The following RAB27B variants were observed in gnomAD, a reference collection of about 807,000 sequenced individuals.
RAB27B encodes the protein RAB27B, member RAS oncogene family.
RAB27B carries 15 observed loss-of-function variants against 24.6 expected under a neutral mutation model. The ratio of observed to expected loss-of-function variants is 0.61; its 90% CI spans 0.41 to 0.94. The LOEUF (loss-of-function observed/expected upper bound fraction) is 0.94, where lower values mean the gene tolerates loss of function less well. Among genes scored for constraint, RAB27B ranks in the 40% least tolerant of loss-of-function variants. The probability of loss-of-function intolerance (pLI) is 0.00; values close to 1 mark genes in which losing one functional copy is unlikely to be tolerated. For synonymous variants in RAB27B, 105 were observed against 92.5 expected, an observed-to-expected ratio of 1.14 and a Z score of -0.78; for missense variants, 261 against 266.8, an observed-to-expected ratio of 0.98 and a Z score of 0.15.
At chr18:54,781,279 T>C (rs1420975600) in intron 2 of RAB27B, among the ~76,000 whole-genome samples, 1 of 152,024 alleles carries the variant, frequency 6.6e-6, no homozygotes, top group East Asian at 1.9e-4. Context: ...TCTGCTTGGG[T>C]TCTTAGTGTC....
intron 2 of RAB27B, among the ~76,000 whole-genome samples, chr18:54,761,748 C>G (rs1461390509): frequency 1.3e-5 from 2 of 152,166 alleles, no homozygotes; most frequent in Non-Finnish European, 2.9e-5. Flanking sequence ...AATAGAAGCA[C>G]TTGTGTGTTA....
chr18:54,783,612 T>A (rs1908987064), intron 2 of RAB27B, among the ~76,000 whole-genome samples: 1 of 152,034 alleles, frequency 6.6e-6, no homozygotes, highest in Admixed American at 6.6e-5. Context: ...AACTCTAGCT[T>A]AAGGTAAGCG....
intron 2 of RAB27B, among the ~76,000 whole-genome samples, chr18:54,737,121 GA>G (rs34896812): frequency 0.065 from 9,721 of 150,604 alleles, 397 homozygotes; most frequent in African/African-American, 0.093. Context: ...TCTCTCTGTG[GA>G]AAAAAAAACT....
intron 2 of RAB27B, among the ~76,000 whole-genome samples, chr18:54,778,068 AG>A: frequency 6.6e-6 from 1 of 152,226 alleles, no homozygotes; most frequent in Non-Finnish European, 1.5e-5. Flanking sequence ...ATGTATGTGT[AG>A]TTTTTCTTTC....
chr18:54,837,007 A>G (rs528660504), intron 1 of RAB27B, among the ~76,000 whole-genome samples: 32 of 131,498 alleles, frequency 2.4e-4, no homozygotes, highest in Middle Eastern at 4.3e-3. Flanking sequence ...TTTGCTTAAA[A>G]CATTCATTAA....
chr18:54,841,328 A>G (rs781518068), intron 1 of RAB27B, among the ~76,000 whole-genome samples: 2 of 152,216 alleles, frequency 1.3e-5, no homozygotes, highest in East Asian at 1.9e-4. Flanking sequence ...ATTATTCCCT[A>G]AACAATATAG....
At chr18:54,805,155 A>G (rs920961309) in intron 2 of RAB27B, among the ~76,000 whole-genome samples, 4 of 151,886 alleles carry the variant, frequency 2.6e-5, no homozygotes, top group Admixed American at 6.6e-5. Flanking sequence ...AAGCCTTTCC[A>G]GGGACATGAG....
chr18:54,746,577 G>A (rs148524706), intron 2 of RAB27B, among the ~76,000 whole-genome samples: 4,305 of 152,150 alleles, frequency 0.028, 76 homozygotes, highest in Middle Eastern at 0.092. Flanking sequence ...CACTCTTTTC[G>A]TCTTTGGAGG....
chr18:54,835,685 T>A, intron 1 of RAB27B, among the ~76,000 whole-genome samples: 1 of 152,030 alleles, frequency 6.6e-6, no homozygotes, highest in Non-Finnish European at 1.5e-5. Context: ...TCTTTAATCT[T>A]CAGTTGGAAG....
chr18:54,839,670 A>G (rs564808635), intron 1 of RAB27B, among the ~76,000 whole-genome samples: 1 of 152,350 alleles, frequency 6.6e-6, no homozygotes, highest in Non-Finnish European at 1.5e-5. Context: ...GCACCCCCAG[A>G]TGCTGAGAGT....
intron 2 of RAB27B, among the ~76,000 whole-genome samples, chr18:54,731,549 T>G (rs1331623164): frequency 6.6e-6 from 1 of 152,104 alleles, no homozygotes; most frequent in Non-Finnish European, 1.5e-5. Context: ...GAAGAAACCC[T>G]ATGTCTACTA....
intron 2 of RAB27B, among the ~76,000 whole-genome samples, chr18:54,761,659 A>C: frequency 6.6e-6 from 1 of 152,200 alleles, no homozygotes; most frequent in Non-Finnish European, 1.5e-5. Flanking sequence ...TCTTATTTCT[A>C]AAGTAGTGAA....
chr18:54,794,104 G>C (rs1310524753), intron 2 of RAB27B, among the ~76,000 whole-genome samples: 2 of 152,144 alleles, frequency 1.3e-5, no homozygotes, highest in African/African-American at 4.8e-5. Flanking sequence ...TGTGTAAGAA[G>C]TTTGACAAAA....
chr18:54,775,370 T>C (rs1400083288), intron 2 of RAB27B, among the ~76,000 whole-genome samples: 1 of 152,114 alleles, frequency 6.6e-6, no homozygotes, highest in East Asian at 1.9e-4. Flanking sequence ...GAAAACAGGG[T>C]AGATTTCTTG....
chr18:54,836,450 A>T (rs969293921), intron 1 of RAB27B, among the ~76,000 whole-genome samples: 1 of 151,898 alleles, frequency 6.6e-6, no homozygotes, highest in Non-Finnish European at 1.5e-5. Flanking sequence ...TAGTAAAACA[A>T]AGCCTTCAAG....
chr18:54,883,003 G>A (rs149458004), intron 3 of RAB27B, among the ~76,000 whole-genome samples: 1 of 152,110 alleles, frequency 6.6e-6, no homozygotes, highest in Non-Finnish European at 1.5e-5. Flanking sequence ...TAGAGTAGTG[G>A]CAGAGTAGAT....
chr18:54,788,714 A>G (rs921855659), intron 2 of RAB27B, among the ~76,000 whole-genome samples: 33 of 152,384 alleles, frequency 2.2e-4, no homozygotes, highest in African/African-American at 7.7e-4. Flanking sequence ...AAGAAAATAA[A>G]GAATAAAGGA....
intron 3 of RAB27B, among the ~76,000 whole-genome samples, chr18:54,883,224 A>G (rs1912997967): frequency 6.6e-6 from 1 of 152,142 alleles, no homozygotes; most frequent in Admixed American, 6.6e-5. Context: ...TCTAATGTGA[A>G]AGGCAGGGAA....
At chr18:54,766,008 A>G (rs572084789) in intron 2 of RAB27B, among the ~76,000 whole-genome samples, 2 of 152,310 alleles carry the variant, frequency 1.3e-5, no homozygotes, top group South Asian at 4.1e-4. Flanking sequence ...AAGAAATTAT[A>G]GATTTCCAAA....
Sources: gnomAD v4.1 joint callset for allele counts (sites outside exome capture counted in the v4.1 genomes callset) on GRCh38, gnomAD v4.1.1 for gene constraint, MANE v1.5 for transcripts, NCBI Gene and HGNC (gene_info 2026-07-23, HGNC 2026-07-21) for gene names.